DUSP6: variants seen among roughly 807,000 people sequenced by gnomAD.
DUSP6 encodes dual specificity phosphatase 6, also known as dual specificity protein phosphatase 6.
A neutral mutation model predicts 28.0 loss-of-function variants in DUSP6; 6 were observed. The observed-to-expected ratio is 0.21, with a 90% CI of 0.12 to 0.42. DUSP6 has a LOEUF of 0.42. Among genes scored for constraint, DUSP6 ranks in the 10% least tolerant of loss-of-function variants. DUSP6 has a pLI of 1.00. For synonymous variants in DUSP6, 252 were observed against 217.5 expected, an observed-to-expected ratio of 1.16 and a Z score of -1.40; for missense variants, 451 against 498.1, an observed-to-expected ratio of 0.91 and a Z score of 0.90.
Position 89,350,896 on chromosome 12 carries a change from G to T in DUSP6, c.530C>A (p.Ser177Tyr), listed in dbSNP as rs748460884. ...LGGLRISSDS[S>Y]SDIESDLDRD... ...GTCAAGGTCAGACTCGATGTCCGAG[G>T]AAGAGTCAGAGCTGATCCGCAGGCC... is the stretch of plus-strand genomic sequence containing the variant. Residue 177 changes from serine to tyrosine, a missense_variant, in exon 2 of 3, where the codon TCC (serine) becomes TAC (tyrosine). Around this residue, in one of 2 missense-constraint regions of DUSP6, gnomAD observed 347 missense variants for 346.6 expected, o/e 1.00. Transcript: ENST00000279488. 1.9e-5 allele frequency: 31 copies of T among 1,613,860 alleles called. No individual in the cohort carries two copies. The Admixed American group carries it at 5.0e-4, about 26-fold the overall frequency.
Position 89,351,830 on chromosome 12 carries a change from G to A in DUSP6, c.210C>T (p.Asn70=), listed in dbSNP as rs747973701. ...GCGTGAAGAGCGCGCGCACCGGCAG[G>A]TTACCCTTCTGCAGGCGCCGCAGCA... is the stretch of plus-strand genomic sequence containing the variant. ...GIMLRRLQKG[N]LPVRALFTRG... The change falls in exon 1 of 3, where the codon AAC becomes AAT. Residue 70 remains asparagine, a synonymous_variant. Coordinates refer to ENST00000279488, the MANE Select transcript of DUSP6 (RefSeq NM_001946.4). 1.3e-5 allele frequency: 21 copies of A among 1,611,486 alleles called. No homozygotes were observed. In the African/African-American group the frequency reaches 2.0e-4, roughly 15 times the overall value.
intron 2 of DUSP6, among the ~76,000 whole-genome samples, chr12:89,350,131 T>C (rs1414205357): frequency 1.3e-5 from 2 of 152,252 alleles, no homozygotes; most frequent in African/African-American, 2.4e-5. Flanking sequence ...TGTCTCACTG[T>C]TACCAGTATC....
rs1372971617 is a variant in DUSP6, at chr12:89,349,130, G to A, written c.*124C>T. On this transcript the variant is annotated 3_prime_UTR_variant, in exon 3 of 3. Coordinates refer to ENST00000279488, the MANE Select transcript of DUSP6 (RefSeq NM_001946.4). ...ATTCCGCACTTGGTAACCTTGTCTAGTACAGACAGCTGGTGTCATTTTGAC... is the reference window on the plus strand; with the variant it reads ...ATTCCGCACTTGGTAACCTTGTCTAATACAGACAGCTGGTGTCATTTTGAC... The A allele has an allele frequency of 1.9e-6, 2 of 1,061,944 alleles. No individual in the cohort carries two copies. Among genetic ancestry groups the A allele is most frequent in the South Asian group, 1.5e-5 (1 of 64,966 alleles). 65.8% of individuals were successfully genotyped at this position (1,061,944 alleles called of 1,614,324 possible). A position where few individuals can be genotyped will look rare whatever the true frequency, so the allele number is the denominator to read the frequency against.
intron 1 of DUSP6, 73 bp from the exon 2 acceptor site, chr12:89,351,098 C>G: frequency 6.8e-7 from 1 of 1,480,924 alleles, no homozygotes; most frequent in Non-Finnish European, 9.0e-7. Flanking sequence ...AGAACCGCAG[C>G]CCGGCGCAAG....
chr12:89,348,991 C>G lies in DUSP6; in HGVS notation c.*263G>C, dbSNP rs1003331551. The G allele has an allele frequency of 2.7e-4, 107 of 401,652 alleles. No homozygotes were observed. The highest frequency in any genetic ancestry group is 2.0e-3 in the Middle Eastern group (3 of 1,534). 24.9% of individuals were successfully genotyped at this position (401,652 alleles called of 1,614,324 possible). ...GCCTGGAAGTCCTCGAATCCCAGTC[C>G]CTGCATGGGTAGGCTGTACACATGG... On this transcript the variant is annotated 3_prime_UTR_variant, in exon 3 of 3. Transcript: ENST00000279488.
At chr12:89,351,438 G>C in intron 1 of DUSP6, 1 of 870,618 alleles carries the variant, frequency 1.1e-6, no homozygotes, top group Non-Finnish European at 1.7e-6. Flanking sequence ...AGCCGGAAGC[G>C]AGTGGATTCT....
Position 89,351,645 on chromosome 12 carries a change from A to G in DUSP6, c.395T>C (p.Leu132Pro). Residue 132 changes from leucine to proline, a missense_variant, in exon 1 of 3, where the codon CTG (leucine) becomes CCG (proline). Physicochemically the swap from Leu to Pro is moderately conservative, Grantham distance 98. Transcript: ENST00000279488. ...LKDEGCRAFYLEGGFSKFQAE... is the reference protein window; with the variant it reads ...LKDEGCRAFYPEGGFSKFQAE... ...GGAGTTCCCTGGGCGCGTACCTTCC[A>G]GGTAGAACGCCCGGCAGCCCTCGTC... is the stretch of plus-strand genomic sequence containing the variant. 6.2e-7 allele frequency: 1 copy of G among 1,601,312 alleles called. No individual in the cohort carries two copies. Among genetic ancestry groups the G allele is most frequent in the African/African-American group, 1.3e-5 (1 of 74,684 alleles).
Position 89,349,401 on chromosome 12 carries a change from G to C in DUSP6, c.999C>G (p.Asn333Lys). ...CCAGCAGCTGACCCATGAAGTTGAA[G>C]TTAGGGGATATGTTGGATTTTTTCA... ...VKMKKSNISP[N>K]FNFMGQLLDF... The change falls in exon 3 of 3, where the codon AAC becomes AAG. Residue 333 changes from asparagine (N) to lysine (K), a missense_variant. This residue lies in a region of DUSP6 where 104 missense variants were observed against 151.4 expected (regional missense o/e 0.69). Transcript: ENST00000279488. The C allele has an allele frequency of 6.2e-7, 1 of 1,614,160 alleles. No homozygotes were observed. Among genetic ancestry groups the C allele is most frequent in the Non-Finnish European group, 8.5e-7 (1 of 1,180,032 alleles).
chr12:89,351,106 A>C (rs1316976470), intron 1 of DUSP6, 81 bp from the exon 2 acceptor site: 5 of 1,431,976 alleles, frequency 3.5e-6, no homozygotes, highest in Non-Finnish European at 4.7e-6. Context: ...AGCCCGGCGC[A>C]AGAAACACCA....
rs1879086124 is a variant in DUSP6 at position 89,349,039 on chromosome 12, G to T, written c.*215C>A. 5.2e-6 allele frequency: 3 copies of T among 576,836 alleles called. No individual in the cohort carries two copies. Among genetic ancestry groups the T allele is most frequent in the Admixed American group, 6.1e-5 (2 of 32,720 alleles). The allele number at this position is 576,836 out of a possible 1,614,324, so 35.7% of individuals were successfully genotyped here. ...TGGGTACAGAGCAAACCTACTGCCT[G>T]TATCTATACAGCATGTCCTGTTATT... On this transcript the variant is annotated 3_prime_UTR_variant, in exon 3 of 3. Coordinates refer to ENST00000279488, the MANE Select transcript of DUSP6 (RefSeq NM_001946.4).
At position 89,352,187 on chromosome 12, in the gene DUSP6, C is replaced by T. The variant is rs570195466; in HGVS notation, c.-148G>A. ...CCCAAGCCGAGGCTAGCGGTTGGGG[C>T]AGACGAGACAGAAGTAAAGCCGGAG... On this transcript the variant is annotated 5_prime_UTR_variant, in exon 1 of 3. Coordinates refer to ENST00000279488, the MANE Select transcript of DUSP6 (RefSeq NM_001946.4). The T allele has an allele frequency of 1.6e-5, 19 of 1,221,856 alleles. No homozygotes were observed. In the African/African-American group the frequency reaches 2.4e-4, roughly 16 times the overall value. The allele number at this position is 1,221,856 out of a possible 1,614,324, so 75.7% of individuals were successfully genotyped here.
Position 89,351,848 on chromosome 12 carries a change from C to T in DUSP6, c.192G>A (p.Arg64=). ...INVAIPGIML[R]RLQKGNLPVR... ...CCGGCAGGTTACCCTTCTGCAGGCG[C>T]CGCAGCATGATGCCCGGGATGGCCA... The change falls in exon 1 of 3, where the codon CGG becomes CGA. Residue 64 remains arginine, a synonymous_variant. Transcript: ENST00000279488. 1 of 1,612,102 alleles carries T rather than the reference C, an allele frequency of 6.2e-7. No homozygotes were observed. The highest frequency in any genetic ancestry group is 1.1e-5 in the South Asian group (1 of 91,028).
In DUSP6 at chr12:89,352,060, G is replaced by A; in HGVS notation, c.-21C>T. 6.2e-7 allele frequency: 1 copy of A among 1,600,890 alleles called. No homozygotes were observed. Among genetic ancestry groups the A allele is most frequent in the Non-Finnish European group, 8.5e-7 (1 of 1,170,998 alleles). ...ATCATGGGGGTCGAGCTGCGGGAGA[G>A]GGCGGGGTGCCTACCAGACGCCCCT... On this transcript the variant is annotated 5_prime_UTR_variant, in exon 1 of 3. Coordinates refer to ENST00000279488, the MANE Select transcript of DUSP6 (RefSeq NM_001946.4).
chr12:89,351,471 C>A lies in DUSP6; in HGVS notation c.400+169G>T, dbSNP rs1204430279. The A allele has an allele frequency of 5.2e-6, 6 of 1,154,728 alleles. No homozygotes were observed. In the African/African-American group the frequency reaches 7.8e-5, roughly 15 times the overall value. 71.5% of individuals were successfully genotyped at this position (1,154,728 alleles called of 1,614,324 possible). Reference sequence around the variant, plus strand: ...TCTGAGCCGGCCCGGTTCTCTGGTGCGGAACGCGCGGTTCGCGGCCCCTAC... The same window carrying A: ...TCTGAGCCGGCCCGGTTCTCTGGTGAGGAACGCGCGGTTCGCGGCCCCTAC... On this transcript the variant is annotated intron_variant, in intron 1 of 2. Transcript: ENST00000279488.
chr12:89,348,768 A>G lies in DUSP6; in HGVS notation c.*486T>C, dbSNP rs1879072710. The G allele has an allele frequency of 6.5e-6, 1 of 153,322 alleles. No individual in the cohort carries two copies. Among genetic ancestry groups the G allele is most frequent in the Non-Finnish European group, 1.5e-5 (1 of 68,506 alleles). 9.5% of individuals were successfully genotyped at this position (153,322 alleles called of 1,614,324 possible). On this transcript the variant is annotated 3_prime_UTR_variant, in exon 3 of 3. Transcript: ENST00000279488. ...AAGATCAAATATTTACAATAATCAA[A>G]TGGAGTATCAGATTTTTTTTTCCAA...
chr12:89,351,521 G>T (rs981301995), intron 1 of DUSP6, 119 bp downstream of exon 1: 2 of 1,416,432 alleles, frequency 1.4e-6, no homozygotes, highest in African/African-American at 2.9e-5. Flanking sequence ...GTCCCTAGGC[G>T]GGCAGCGCGG....
intron 2 of DUSP6, 47 bp downstream of exon 2, chr12:89,350,541 G>T: frequency 1.3e-6 from 2 of 1,556,522 alleles, no homozygotes; most frequent in East Asian, 4.5e-5. Flanking sequence ...GAATGGCTAG[G>T]AATTTTGCAT....
Position 89,349,342 on chromosome 12 carries a change from C to T in DUSP6, c.1058G>A (p.Cys353Tyr). ...FERTLGLSSP[C>Y]DNRVPAQQLY... is the part of the protein sequence containing the mutation. ...CTGCTGTGCTGGAACCCTGTTGTCA[C>T]ATGGGCTGCTGAGTCCCAGCGTCCT... The change falls in exon 3 of 3, where the codon TGT becomes TAT. Residue 353 changes from cysteine to tyrosine, a missense_variant. Transcript: ENST00000279488. The T allele has an allele frequency of 6.2e-7, 1 of 1,614,210 alleles. No individual in the cohort carries two copies. The highest frequency in any genetic ancestry group is 8.5e-7 in the Non-Finnish European group (1 of 1,180,024).
At position 89,351,920 on chromosome 12, in the gene DUSP6, C is replaced by T. The variant is rs748087431; in HGVS notation, c.120G>A (p.Arg40=). The change falls in exon 1 of 3, where the codon CGG becomes CGA. Residue 40 remains arginine (R), a synonymous_variant. Transcript: ENST00000279488. ...GNERLLLMDC[R]PQELYESSHI... ...GCGACGACTCGTATAGCTCCTGCGG[C>T]CGGCAGTCCATCAGCAGCAGCCGCT... The T allele has an allele frequency of 1.2e-6, 2 of 1,612,922 alleles. No homozygotes were observed. Among genetic ancestry groups the T allele is most frequent in the South Asian group, 2.2e-5 (2 of 91,090 alleles).
Sources: allele counts gnomAD v4.1 joint callset (sites outside exome capture counted in the v4.1 genomes callset), GRCh38; gene constraint gnomAD v4.1.1; regional missense constraint gnomAD v4.1.1; transcripts MANE v1.5; gene names NCBI Gene and HGNC (gene_info 2026-07-23, HGNC 2026-07-21).